ARHGAP28: variants seen among roughly 807,000 people sequenced by gnomAD.
ARHGAP28 encodes the protein Rho GTPase activating protein 28, also known as rho GTPase-activating protein 28.
In ARHGAP28, 56 loss-of-function variants were observed where a neutral mutation model predicts 90.7. The observed-to-expected ratio is 0.62, with a 90% CI of 0.50 to 0.77. The LOEUF (loss-of-function observed/expected upper bound fraction) is 0.77. Ranked by LOEUF, ARHGAP28 falls within the 30% of genes least tolerant of loss-of-function variation. The pLI is 0.00. For synonymous variants in ARHGAP28, 308 were observed against 323.3 expected (o/e 0.95, Z 0.51); for missense variants, 869 against 900.9 (o/e 0.96, Z 0.45).
At chr18:6,809,624 C>G (rs2056542413) in intron 1 of ARHGAP28, among the ~76,000 whole-genome samples, 1 of 152,014 alleles carries the variant, frequency 6.6e-6, no homozygotes, top group African/African-American at 2.4e-5. Flanking sequence ...GGGGGAGGTG[C>G]TACATACTTT....
rs1014897832 is a variant in ARHGAP28, at chr18:6,729,942, A to G, written c.121A>G (p.Arg41Gly). The G allele has an allele frequency of 3.0e-5, 41 of 1,370,440 alleles. No individual in the cohort carries two copies. In the African/African-American group the frequency reaches 5.0e-4, roughly 17 times the overall value. 84.9% of individuals were successfully genotyped at this position (1,370,440 alleles called of 1,614,324 possible). Residue 41 changes from arginine to glycine, a missense_variant and splice_region_variant, in exon 1 of 18, where the codon AGA becomes GGA. Coordinates refer to ENST00000383472, the MANE Select transcript of ARHGAP28 (RefSeq NM_001366230.1). ...PRAAASHPLS[R>G]KSIPRCRRIN... ...CGCCGCAGCCAGCCACCCGCTCAGCAGGTACCCGGAGCCGCTCCCACCAGG... is the reference window on the plus strand; with the variant it reads ...CGCCGCAGCCAGCCACCCGCTCAGCGGGTACCCGGAGCCGCTCCCACCAGG...
At chr18:6,735,697 G>A (rs1188399737) in intron 1 of ARHGAP28, among the ~76,000 whole-genome samples, 1 of 152,044 alleles carries the variant, frequency 6.6e-6, no homozygotes, top group East Asian at 1.9e-4. Flanking sequence ...TGAGGCTACA[G>A]GCACATGCCA....
At chr18:6,859,923 A>G (rs1165288273) in intron 5 of ARHGAP28, 26 bp downstream of exon 5, 1 of 1,598,896 alleles carries the variant, frequency 6.3e-7, no homozygotes, top group Non-Finnish European at 8.6e-7. Context: ...CAGCACAGTT[A>G]CATGTCAAGG....
At position 6,912,281 on chromosome 18, in the gene ARHGAP28, C is replaced by A; in HGVS notation, c.*127C>A. 6.0e-6 allele frequency: 3 copies of A among 502,116 alleles called. No individual in the cohort carries two copies. Among genetic ancestry groups the A allele is most frequent in the Non-Finnish European group, 7.0e-6 (2 of 287,544 alleles). 31.1% of individuals were successfully genotyped at this position (502,116 alleles called of 1,614,324 possible). On this transcript the variant is annotated 3_prime_UTR_variant, in exon 18 of 18. Coordinates refer to ENST00000383472, the MANE Select transcript of ARHGAP28 (RefSeq NM_001366230.1). ...CATTCTCAGTATTTCTGGCCCTCAG[C>A]AGTGGGCATTGTAAGCATGAACTAT...
chr18:6,850,699 T>G, intron 3 of ARHGAP28: 1 of 871,094 alleles, frequency 1.1e-6, no homozygotes, highest in East Asian at 2.7e-5. Flanking sequence ...AACCATCACA[T>G]GATCACACTC....
At chr18:6,851,234 AC>A in intron 4 of ARHGAP28, 108 bp downstream of exon 4, 1 of 962,242 alleles carries the variant, frequency 1.0e-6, no homozygotes, top group Non-Finnish European at 1.6e-6. Flanking sequence ...TGGCTGGACA[AC>A]CACAGATTTC....
intron 1 of ARHGAP28, among the ~76,000 whole-genome samples, chr18:6,734,931 T>C (rs1412101019): frequency 6.6e-6 from 1 of 152,222 alleles, no homozygotes; most frequent in Non-Finnish European, 1.5e-5. Context: ...CTGCTGAGCG[T>C]AGATTCCTCC....
chr18:6,897,083 T>C (rs889313285), intron 16 of ARHGAP28: 1 of 153,776 alleles, frequency 6.5e-6, no homozygotes, highest in Admixed American at 6.4e-5. Flanking sequence ...GGCTAATATT[T>C]TTGTACTTTT....
intron 1 of ARHGAP28, among the ~76,000 whole-genome samples, chr18:6,798,609 T>C (rs530671877): frequency 6.6e-6 from 1 of 152,314 alleles, no homozygotes; most frequent in Non-Finnish European, 1.5e-5. Context: ...GAAAACCAAA[T>C]ACTGTACGTT....
chr18:6,830,284 CTT>C (rs926076647), intron 2 of ARHGAP28, among the ~76,000 whole-genome samples: 4 of 150,438 alleles, frequency 2.7e-5, no homozygotes, highest in Admixed American at 1.3e-4. Flanking sequence ...TTTATTCACT[CTT>C]TCTTTTTTTT....
At chr18:6,750,051 A>C (rs1317355581) in intron 1 of ARHGAP28, among the ~76,000 whole-genome samples, 2 of 152,114 alleles carry the variant, frequency 1.3e-5, no homozygotes, top group South Asian at 4.1e-4. Flanking sequence ...GGAGAAGGCA[A>C]CTTAAACTCC....
chr18:6,758,303 G>C (rs1004420828), intron 1 of ARHGAP28, among the ~76,000 whole-genome samples: 3 of 152,072 alleles, frequency 2.0e-5, no homozygotes, highest in Non-Finnish European at 4.4e-5. Context: ...CTTCGGTTTA[G>C]GGCAGAGATT....
intron 2 of ARHGAP28, among the ~76,000 whole-genome samples, chr18:6,831,471 GTT>G (rs57331018): frequency 0.57 from 61,564 of 108,790 alleles, 15,193 homozygotes; most frequent in South Asian, 0.67. Flanking sequence ...GTATCTTGAT[GTT>G]TTTTTTTTTT....
chr18:6,868,654 TC>T (rs1410102047), intron 6 of ARHGAP28, among the ~76,000 whole-genome samples: 2 of 152,000 alleles, frequency 1.3e-5, no homozygotes, highest in Non-Finnish European at 2.9e-5. Context: ...CTGCGCCTCT[TC>T]CGCTTGAGAG....
At position 6,900,029 on chromosome 18, in the gene ARHGAP28, GT is replaced by G. The variant is rs2057330132; in HGVS notation, c.2030+3407del. 4.6e-5 allele frequency among the ~76,000 whole-genome samples: 7 copies of G among 152,206 alleles called. No individual in the cohort carries two copies. In the South Asian group the frequency reaches 1.5e-3, roughly 32 times the overall value. ...CAGCAACAAGGAAGTGTTAGCTTCT[GT>G]TTTCCCCCACCCTGGTGGCAGCAGA... On this transcript the variant is annotated intron_variant, in intron 16 of 17. Transcript: ENST00000383472.
Position 6,741,278 on chromosome 18 carries a change from A to G in ARHGAP28, c.122+11335A>G, listed in dbSNP as rs1446465557. Among the ~76,000 whole-genome samples, 6 of 152,336 alleles carry G rather than the reference A, an allele frequency of 3.9e-5. No homozygotes were observed. In the East Asian group the frequency reaches 1.2e-3, roughly 29 times the overall value. On this transcript the variant is annotated intron_variant, in intron 1 of 17. Transcript: ENST00000383472. Reference sequence around the variant, plus strand: ...AGGATGCCTGGCCCTGTGATTTTTAACATACCACAACTTAACTCCTCTCCC... The same window carrying G: ...AGGATGCCTGGCCCTGTGATTTTTAGCATACCACAACTTAACTCCTCTCCC...
intron 1 of ARHGAP28, among the ~76,000 whole-genome samples, chr18:6,823,102 T>C (rs2056636850): frequency 6.6e-6 from 1 of 152,172 alleles, no homozygotes; most frequent in East Asian, 1.9e-4. Context: ...TAAGAGTTAG[T>C]CTTGGTCTTT....
At chr18:6,732,847 A>G (rs9959071) in intron 1 of ARHGAP28, among the ~76,000 whole-genome samples, 37,703 of 151,994 alleles carry the variant, frequency 0.25, 5,419 homozygotes, top group African/African-American at 0.39. Context: ...CACCAGATAT[A>G]TTAGCTGTAT....
intron 16 of ARHGAP28, among the ~76,000 whole-genome samples, chr18:6,902,288 A>G (rs1253684267): frequency 6.6e-6 from 1 of 152,196 alleles, no homozygotes; most frequent in Non-Finnish European, 1.5e-5. Flanking sequence ...AATTGTAACA[A>G]ATGTACTATA....
Sources: allele counts gnomAD v4.1 joint callset (sites outside exome capture counted in the v4.1 genomes callset), GRCh38; gene constraint gnomAD v4.1.1; transcripts MANE v1.5; gene names NCBI Gene and HGNC (gene_info 2026-07-23, HGNC 2026-07-21).